The following SV2C variants were observed in gnomAD, a reference collection of about 807,000 sequenced individuals.
SV2C encodes synaptic vesicle glycoprotein 2C.
In SV2C, 49 loss-of-function variants were observed where a neutral mutation model predicts 79.7. That is an observed-to-expected ratio of 0.61 (90% confidence interval 0.49 to 0.78). The LOEUF is 0.78. SV2C is among the 30% of genes least tolerant of loss of function. The probability of loss-of-function intolerance (pLI) is 0.00; values close to 1 mark genes in which losing one functional copy is unlikely to be tolerated. For synonymous variants in SV2C, 334 were observed against 333.2 expected, an observed-to-expected ratio of 1.00 and a Z score of -0.03; for missense variants, 833 against 912.9, an observed-to-expected ratio of 0.91 and a Z score of 1.13.
the SV2C span, among the ~76,000 whole-genome samples, chr5:75,972,478 C>T: frequency 6.6e-6 from 1 of 151,966 alleles, no homozygotes; most frequent in East Asian, 1.9e-4. Flanking sequence ...AACAAATTTA[C>T]AAGAAAAAAA....
At chr5:75,889,369 TGTTA>T in the SV2C span, among the ~76,000 whole-genome samples, 1 of 151,940 alleles carries the variant, frequency 6.6e-6, no homozygotes, top group Non-Finnish European at 1.5e-5. Context: ...TCTGTTCCTG[TGTTA>T]GTTTGCTAAG....
chr5:75,955,688 C>T, the SV2C span, among the ~76,000 whole-genome samples: 1 of 148,360 alleles, frequency 6.7e-6, no homozygotes, highest in African/African-American at 2.5e-5. Context: ...TGAACTCAAA[C>T]AAATTTACAA....
intron 4 of SV2C, among the ~76,000 whole-genome samples, chr5:76,260,594 T>C (rs1447897378): frequency 6.6e-6 from 1 of 152,222 alleles, no homozygotes; most frequent in Non-Finnish European, 1.5e-5. Context: ...TTTAAGTCTT[T>C]AATCTATCTT....
the SV2C span, among the ~76,000 whole-genome samples, chr5:75,988,193 A>T: frequency 6.6e-6 from 1 of 151,898 alleles, no homozygotes. Context: ...TTCCTATTTA[A>T]CATTATTTCA....
chr5:76,185,315 T>C (rs1229448577), intron 2 of SV2C, among the ~76,000 whole-genome samples: 4 of 152,202 alleles, frequency 2.6e-5, no homozygotes, highest in Non-Finnish European at 5.9e-5. Context: ...AGATCTACCA[T>C]TCTGGGTTCT....
the SV2C span, among the ~76,000 whole-genome samples, chr5:75,850,534 A>G: frequency 6.6e-6 from 1 of 152,082 alleles, no homozygotes; most frequent in African/African-American, 2.4e-5. Context: ...TACTATGACT[A>G]CCTAATGTCA....
At chr5:76,008,570 G>T in the SV2C span, among the ~76,000 whole-genome samples, 1 of 152,000 alleles carries the variant, frequency 6.6e-6, no homozygotes, top group Non-Finnish European at 1.5e-5. Context: ...AATCTTGCTG[G>T]CTTTGCCATA....
intron 3 of SV2C, among the ~76,000 whole-genome samples, chr5:76,207,362 T>C (rs1256403740): frequency 2.0e-5 from 3 of 152,150 alleles, no homozygotes; most frequent in Admixed American, 6.5e-5. Context: ...TTTTTATGCA[T>C]TGAGAAGTTA....
the SV2C span, among the ~76,000 whole-genome samples, chr5:76,003,441 G>A: frequency 6.6e-6 from 1 of 152,086 alleles, no homozygotes; most frequent in Non-Finnish European, 1.5e-5. Flanking sequence ...TATAATAATT[G>A]CATTTTCCAA....
At chr5:76,296,819 T>A (rs1747786017) in intron 9 of SV2C, among the ~76,000 whole-genome samples, 1 of 152,188 alleles carries the variant, frequency 6.6e-6, no homozygotes, top group Admixed American at 6.5e-5. Flanking sequence ...AGGTAATTGT[T>A]CAAATTAGCA....
chr5:76,239,132 A>G (rs1210330900), intron 4 of SV2C, among the ~76,000 whole-genome samples: 2 of 152,148 alleles, frequency 1.3e-5, no homozygotes, highest in Non-Finnish European at 2.9e-5. Flanking sequence ...CCTTGGCTCC[A>G]CTAAGCCAGT....
chr5:76,017,990 T>C, the SV2C span, among the ~76,000 whole-genome samples: 3 of 152,208 alleles, frequency 2.0e-5, no homozygotes, highest in African/African-American at 7.2e-5. Flanking sequence ...TGCTCATGCA[T>C]GTGGTCACGG....
chr5:76,208,822 G>A (rs1195919333), intron 3 of SV2C, among the ~76,000 whole-genome samples: 1 of 152,104 alleles, frequency 6.6e-6, no homozygotes, highest in African/African-American at 2.4e-5. Context: ...ATATTGCTTG[G>A]AGTGATAGTA....
At chr5:76,143,996 A>G (rs1219360013) in intron 2 of SV2C, among the ~76,000 whole-genome samples, 2 of 126,642 alleles carry the variant, frequency 1.6e-5, no homozygotes, top group Non-Finnish European at 3.9e-5. Context: ...CCAGTGAGGT[A>G]GGAATAAAAA....
At chr5:76,280,136 A>G (rs1299240886) in intron 4 of SV2C, among the ~76,000 whole-genome samples, 1 of 152,114 alleles carries the variant, frequency 6.6e-6, no homozygotes, top group East Asian at 1.9e-4. Flanking sequence ...AGAGAAATGG[A>G]AAAAGGTATA....
the SV2C span, among the ~76,000 whole-genome samples, chr5:75,915,593 A>G: frequency 6.6e-6 from 1 of 152,202 alleles, no homozygotes; most frequent in South Asian, 2.1e-4. Flanking sequence ...TAAGCACTTG[A>G]CTATTGAAAG....
chr5:75,959,679 T>A, the SV2C span, among the ~76,000 whole-genome samples: 4 of 151,956 alleles, frequency 2.6e-5, no homozygotes, highest in Non-Finnish European at 5.9e-5. Flanking sequence ...TCCACAGAGA[T>A]GACATAAAGT....
rs141629262 is a variant in SV2C, at chr5:76,203,763, C to T, written c.762-5973C>T. On this transcript the variant is annotated intron_variant, in intron 3 of 12. Transcript: ENST00000502798. ...CAAATTTTCTACTCATTATTCTATT[C>T]ATAGTTTACATAATATTTAGAAAAT... is the stretch of plus-strand genomic sequence containing the variant. Among the ~76,000 whole-genome samples, 315 of 152,280 alleles carry T rather than the reference C, an allele frequency of 2.1e-3. 1 individual carries two copies. Among genetic ancestry groups the T allele is most frequent in the African/African-American group, 7.1e-3 (294 of 41,550 alleles).
the SV2C span, among the ~76,000 whole-genome samples, chr5:75,938,479 C>CA: frequency 6.6e-6 from 1 of 152,146 alleles, no homozygotes; most frequent in Admixed American, 6.5e-5. Flanking sequence ...TGGGGTTTTA[C>CA]AAACACGACT....
Sources: gnomAD v4.1 joint callset for allele counts (sites outside exome capture counted in the v4.1 genomes callset) on GRCh38, gnomAD v4.1.1 for gene constraint, MANE v1.5 for transcripts, NCBI Gene and HGNC (gene_info 2026-07-23, HGNC 2026-07-21) for gene names.